The following CAPRIN1 variants were observed in gnomAD, a reference collection of about 807,000 sequenced individuals.
CAPRIN1 encodes the protein cell cycle associated protein 1, also known as caprin-1.
CAPRIN1 carries 29 observed loss-of-function variants against 100.9 expected under a neutral mutation model. The observed-to-expected ratio is 0.29, with a 90% confidence interval of 0.21 to 0.39. The LOEUF (loss-of-function observed/expected upper bound fraction) is 0.39. Ranked by LOEUF, CAPRIN1 falls within the 10% of genes least tolerant of loss-of-function variation. The probability of loss-of-function intolerance (pLI) is 1.00; values close to 1 mark genes in which losing one functional copy is unlikely to be tolerated. For synonymous variants in CAPRIN1, 338 were observed against 307.5 expected (o/e 1.10, Z -1.04); for missense variants, 795 against 876.7 (o/e 0.91, Z 1.18).
chr11:34,074,143 A>G (rs933179580), intron 4 of CAPRIN1, among the ~76,000 whole-genome samples: 3 of 152,232 alleles, frequency 2.0e-5, no homozygotes, highest in Admixed American at 6.5e-5. Context: ...CCATAGCACC[A>G]AAGGAGAGAT....
chr11:34,074,081 C>T (rs530048146), intron 4 of CAPRIN1, among the ~76,000 whole-genome samples: 1 of 152,096 alleles, frequency 6.6e-6, no homozygotes, highest in African/African-American at 2.4e-5. Context: ...AACACTATTG[C>T]GTTGGGAGGG....
intron 2 of CAPRIN1, among the ~76,000 whole-genome samples, chr11:34,054,547 C>T (rs1006748163): frequency 5.3e-5 from 8 of 152,092 alleles, no homozygotes; most frequent in Non-Finnish European, 8.8e-5. Context: ...CCTCCCTCAG[C>T]CTCCCAAGTA....
At position 34,083,848 on chromosome 11, in the gene CAPRIN1, A is replaced by T. The variant is rs1851079733; in HGVS notation, c.966+807A>T. On this transcript the variant is annotated intron_variant, in intron 9 of 18. Coordinates refer to ENST00000341394, the MANE Select transcript of CAPRIN1 (RefSeq NM_005898.5). ...TTTGTGGGGCTGAGGCAGGTGGATC[A>T]CATGAGGCCAAGAGTTAGAGACCAG... 2.6e-5 allele frequency among the ~76,000 whole-genome samples: 4 copies of T among 152,254 alleles called. No homozygotes were observed. The South Asian group carries it at 8.3e-4, about 32-fold the overall frequency.
chr11:34,092,525 A>AT (rs1851283278), intron 15 of CAPRIN1, among the ~76,000 whole-genome samples: 1 of 151,678 alleles, frequency 6.6e-6, no homozygotes, highest in African/African-American at 2.4e-5. Context: ...CGTCCAGCTA[A>AT]TTTTTTGTAT....
intron 9 of CAPRIN1, among the ~76,000 whole-genome samples, chr11:34,085,040 C>T (rs890895553): frequency 2.6e-5 from 4 of 151,860 alleles, no homozygotes; most frequent in Non-Finnish European, 5.9e-5. Flanking sequence ...TTGTTGGTTT[C>T]GCTTTGGTAG....
At chr11:34,075,477 GA>G (rs1850887921) in intron 4 of CAPRIN1, among the ~76,000 whole-genome samples, 1 of 152,142 alleles carries the variant, frequency 6.6e-6, no homozygotes, top group Non-Finnish European at 1.5e-5. Context: ...AGGAATGTGG[GA>G]AAAATACATT....
At position 34,086,314 on chromosome 11, in the gene CAPRIN1, C is replaced by G; in HGVS notation, c.1132C>G (p.Leu378Val). Residue 378 changes from leucine (L) to valine (V), a missense_variant, in exon 11 of 19, where the codon CTG (leucine) becomes GTG (valine). Transcript: ENST00000341394. ...GPYNFIQDSM[L>V]DFENQTLDPA... Reference sequence around the variant, plus strand: ...CTAACTTAACCTGTAGGATTCAATGCTGGATTTTGAAAATCAGACACTTGA... The same window carrying G: ...CTAACTTAACCTGTAGGATTCAATGGTGGATTTTGAAAATCAGACACTTGA... 6.2e-7 allele frequency: 1 copy of G among 1,612,726 alleles called. No individual in the cohort carries two copies. Among genetic ancestry groups the G allele is most frequent in the East Asian group, 2.2e-5 (1 of 44,880 alleles).
intron 12 of CAPRIN1, among the ~76,000 whole-genome samples, chr11:34,089,703 C>G (rs113060251): frequency 6.6e-6 from 1 of 152,106 alleles, no homozygotes; most frequent in African/African-American, 2.4e-5. Flanking sequence ...TCATCAGTGT[C>G]CAAGTCTTCT....
chr11:34,079,905 GTTTTTTTTTTTTTTTTTTTTT>G (rs377455073), intron 7 of CAPRIN1, 140 bp downstream of exon 7: 4,743 of 331,458 alleles, frequency 0.014, 43 homozygotes, highest in Middle Eastern at 0.035. Flanking sequence ...GCATGACAAA[GTTTTTTTTTTTTTTTTTTTTT>G]TTTTTTTTTT....
intron 2 of CAPRIN1, among the ~76,000 whole-genome samples, chr11:34,059,722 C>G (rs1025133629): frequency 6.6e-6 from 1 of 152,056 alleles, no homozygotes; most frequent in Non-Finnish European, 1.5e-5. Context: ...ATTAACAACC[C>G]TGTTAAAATG....
chr11:34,062,707 G>A (rs1302862771), intron 2 of CAPRIN1, among the ~76,000 whole-genome samples: 1 of 151,830 alleles, frequency 6.6e-6, no homozygotes, highest in Non-Finnish European at 1.5e-5. Context: ...GCAAAAGTTG[G>A]TACAGTACTC....
At chr11:34,054,411 C>T (rs1179019994) in intron 2 of CAPRIN1, among the ~76,000 whole-genome samples, 2 of 151,934 alleles carry the variant, frequency 1.3e-5, no homozygotes. Context: ...TTTAGTTTAC[C>T]CTGTTGGGTA....
At chr11:34,091,590 G>A (rs1294544596) in intron 14 of CAPRIN1, 2 of 176,716 alleles carry the variant, frequency 1.1e-5, no homozygotes, top group Non-Finnish European at 2.4e-5. Context: ...CCAGGCCAGA[G>A]TTTGTCTTTT....
chr11:34,055,295 CTGTGATTACAAG>C (rs1850426295), intron 2 of CAPRIN1, among the ~76,000 whole-genome samples: 1 of 152,040 alleles, frequency 6.6e-6, no homozygotes, highest in South Asian at 2.1e-4. Flanking sequence ...TCCTAAGTAG[CTGTGATTACAAG>C]TGTGCGCCAC....
At chr11:34,065,114 C>G (rs900094423) in intron 2 of CAPRIN1, among the ~76,000 whole-genome samples, 1 of 151,878 alleles carries the variant, frequency 6.6e-6, no homozygotes, top group African/African-American at 2.4e-5. Context: ...TCCCCGCCAC[C>G]ACGCCCGACT....
At chr11:34,067,483 T>C (rs978169124) in intron 2 of CAPRIN1, among the ~76,000 whole-genome samples, 2 of 151,986 alleles carry the variant, frequency 1.3e-5, no homozygotes, top group African/African-American at 4.8e-5. Flanking sequence ...TTTAATAAAA[T>C]GCACAGTTGT....
rs183129738 is a variant in CAPRIN1, at chr11:34,090,800, G to T, written c.1554+122G>T. 1.0e-5 allele frequency: 8 copies of T among 773,434 alleles called. No homozygotes were observed. In the East Asian group the frequency reaches 1.9e-4, roughly 18 times the overall value. 47.9% of individuals were successfully genotyped at this position (773,434 alleles called of 1,614,324 possible). A position where few individuals can be genotyped will look rare whatever the true frequency, so the allele number is the denominator to read the frequency against. On this transcript the variant is annotated intron_variant, in intron 14 of 18. Transcript: ENST00000341394. ...GTCTGCATCTTTCATTAACTGTAGG[G>T]TATATTTAATTGAACATAAACTGAT...
chr11:34,082,622 A>C (rs113592484), intron 7 of CAPRIN1, among the ~76,000 whole-genome samples: 1 of 152,206 alleles, frequency 6.6e-6, no homozygotes, highest in Non-Finnish European at 1.5e-5. Context: ...AGAGTGGTAC[A>C]TTTGTTAACA....
At chr11:34,059,592 T>C (rs1850530673) in intron 2 of CAPRIN1, among the ~76,000 whole-genome samples, 1 of 152,226 alleles carries the variant, frequency 6.6e-6, no homozygotes, top group Admixed American at 6.5e-5. Flanking sequence ...AAATTGGTAA[T>C]AAGCTCTTTG....
Sources: gnomAD v4.1 joint callset for allele counts (sites outside exome capture counted in the v4.1 genomes callset) on GRCh38, gnomAD v4.1.1 for gene constraint, MANE v1.5 for transcripts, NCBI Gene and HGNC (gene_info 2026-07-23, HGNC 2026-07-21) for gene names.